Variants in CLN6 observed in about 807,000 individuals in gnomAD.
The protein encoded by CLN6 is ceroid-lipofuscinosis neuronal protein 6.
A neutral mutation model predicts 33.3 loss-of-function variants in CLN6; 22 were observed. That is an observed-to-expected ratio of 0.66 (90% confidence interval 0.47 to 0.94). CLN6 has a LOEUF of 0.94. Among genes scored for constraint, CLN6 ranks in the 40% least tolerant of loss-of-function variants. The pLI is 0.00. For synonymous variants in CLN6, 201 were observed against 174.6 expected (o/e 1.15, Z -1.19); for missense variants, 387 against 417.1 (o/e 0.93, Z 0.63).
chr15:68,238,249 C>T (rs1407238221), intron 1 of CLN6, among the ~76,000 whole-genome samples: 1 of 151,306 alleles, frequency 6.6e-6, no homozygotes, highest in East Asian at 1.9e-4. Context: ...ACTAAAAATA[C>T]AAAAATTAGC....
rs1409554223 is a variant in CLN6, at chr15:68,209,228, C to T, written c.665+409G>A. Among the ~76,000 whole-genome samples the T allele has an allele frequency of 6.6e-6, 1 of 152,208 alleles. No homozygotes were observed. Among genetic ancestry groups the T allele is most frequent in the Non-Finnish European group, 1.5e-5 (1 of 68,046 alleles). On this transcript the variant is annotated intron_variant, in intron 6 of 6. Transcript: ENST00000249806. This position sits in a 1 kb window ranked among gnomAD's most constrained non-coding sequence, Gnocchi z 4.9. ...AAAGCCCCTCTCTGTCCTCAGCATC[C>T]TCATCATCTGAGAGGCAGACAGGCA...
At chr15:68,254,575 G>A (rs1170194057) in intron 1 of CLN6, 2 of 558,398 alleles carry the variant, frequency 3.6e-6, no homozygotes, top group Non-Finnish European at 3.2e-6. Context: ...AACGACCCCA[G>A]GACAGATCAA....
rs1249157996 is a variant in CLN6, at chr15:68,256,886, T to A, written c.-18A>T. On this transcript the variant is annotated 5_prime_UTR_variant, in exon 1 of 7. Transcript: ENST00000538696. The surrounding 1 kb of genome is among the most constrained non-coding windows in gnomAD (Gnocchi z 4.1). ...GCTGCCATTTTCCGCCCAGGCAAGG[T>A]CCTGGGCGCGGCTCTGGGGAGGGTC... 2 of 586,360 alleles carry A rather than the reference T, an allele frequency of 3.4e-6. No homozygotes were observed. Among genetic ancestry groups the A allele is most frequent in the Non-Finnish European group, 6.3e-6 (2 of 319,084 alleles). The allele number at this position is 586,360 out of a possible 1,614,324, so 36.3% of individuals were successfully genotyped here.
At chr15:68,235,588 AT>A (rs1288257216) in intron 1 of CLN6, among the ~76,000 whole-genome samples, 242 of 1,422 alleles carry the variant, frequency 0.17, 3 homozygotes, top group Non-Finnish European at 0.43. Flanking sequence ...ATAAAAATAA[AT>A]ATATATATAT....
rs142453061 is a variant in CLN6, at chr15:68,220,062, T to C, written c.84-1412A>G. Among the ~76,000 whole-genome samples the C allele has an allele frequency of 2.6e-5, 4 of 152,332 alleles. No homozygotes were observed. Among genetic ancestry groups the C allele is most frequent in the African/African-American group, 7.2e-5 (3 of 41,582 alleles). On this transcript the variant is annotated intron_variant, in intron 1 of 6. Coordinates refer to ENST00000249806, the MANE Select transcript of CLN6 (RefSeq NM_017882.3). The surrounding 1 kb of genome is among the most constrained non-coding windows in gnomAD (Gnocchi z 4.2). Reference sequence around the variant, plus strand: ...TGCTTCCCTAATTTTCTGAGATCCCTTCCTGCCAGTTCCAAGGATGATCCA... The same window carrying C: ...TGCTTCCCTAATTTTCTGAGATCCCCTCCTGCCAGTTCCAAGGATGATCCA...
rs1892326849 is a variant in CLN6 at position 68,246,077 on chromosome 15, A to T, written c.179+10613T>A. Among the ~76,000 whole-genome samples, 2 of 152,160 alleles carry T rather than the reference A, an allele frequency of 1.3e-5. No homozygotes were observed. The highest frequency in any genetic ancestry group is 2.4e-5 in the African/African-American group (1 of 41,402). ...CACCCAAGTATATTAAGTAAATATG[A>T]ATCAACCTAAAGGCAGAGATAGACT... On this transcript the variant is annotated intron_variant, in intron 1 of 6. Transcript: ENST00000538696. The surrounding 1 kb of genome is among the most constrained non-coding windows in gnomAD (Gnocchi z 4.5).
chr15:68,208,359 G>A lies in CLN6; in HGVS notation c.717C>T (p.Phe239=), dbSNP rs745850620. 2.1e-5 allele frequency: 34 copies of A among 1,613,784 alleles called. No individual in the cohort carries two copies. Among genetic ancestry groups the A allele is most frequent in the Admixed American group, 5.0e-5 (3 of 60,010 alleles). The change falls in exon 7 of 7, where the codon TTC becomes TTT. Residue 239 remains phenylalanine, a synonymous_variant. Transcript: ENST00000249806. The surrounding 1 kb of genome is among the most constrained non-coding windows in gnomAD (Gnocchi z 5.8). ...QIFILFIFTF[F]AMLALVLHQK... The stretch of plus-strand genomic sequence containing the variant: ...GGTGCAGGACGAGGGCCAGCATGGC[G>A]AAGAAGGTGAAGATGAAGAGGATGA...
intron 1 of CLN6, among the ~76,000 whole-genome samples, chr15:68,240,336 G>A (rs1193257126): frequency 1.3e-5 from 2 of 152,176 alleles, no homozygotes; most frequent in African/African-American, 4.8e-5. Flanking sequence ...AGTGGCTCAC[G>A]CCTGTAATCT....
chr15:68,218,074 C>T (rs2093225433), intron 2 of CLN6: 1 of 172,176 alleles, frequency 5.8e-6, no homozygotes, highest in African/African-American at 2.4e-5. Flanking sequence ...ACCCATGGCT[C>T]ACAGTCATAT....
chr15:68,208,104 C>T lies in CLN6; in HGVS notation c.*36G>A. 2 of 1,558,924 alleles carry T rather than the reference C, an allele frequency of 1.3e-6. No individual in the cohort carries two copies. The highest frequency in any genetic ancestry group is 1.7e-6 in the Non-Finnish European group (2 of 1,144,576). ...CAGATGCCCTCCATGGCCCACCCTCCCACCCAGCAGAGCGCCAGAGCCTGG... is the reference window on the plus strand; with the variant it reads ...CAGATGCCCTCCATGGCCCACCCTCTCACCCAGCAGAGCGCCAGAGCCTGG... On this transcript the variant is annotated 3_prime_UTR_variant, in exon 7 of 7. Transcript: ENST00000249806. This position sits in a 1 kb window ranked among gnomAD's most constrained non-coding sequence, Gnocchi z 5.8.
chr15:68,249,901 T>C (rs1892361129), intron 1 of CLN6, among the ~76,000 whole-genome samples: 1 of 152,072 alleles, frequency 6.6e-6, no homozygotes, highest in African/African-American at 2.4e-5. Flanking sequence ...GCCTCCCGAG[T>C]AGCTGGGATT....
Position 68,208,838 on chromosome 15 carries a change from A to G in CLN6, c.666-428T>C, listed in dbSNP as rs1335110102. Among the ~76,000 whole-genome samples, 4 of 152,154 alleles carry G rather than the reference A, an allele frequency of 2.6e-5. 1 individual carries two copies. The highest frequency in any genetic ancestry group is 4.4e-5 in the Non-Finnish European group (3 of 68,038). ...TTCCCGCTCACTGTAGCTGCCACCC[A>G]TTCTTTTTAATCCCCAGAGAGCATA... On this transcript the variant is annotated intron_variant, in intron 6 of 6. Transcript: ENST00000249806. The surrounding 1 kb of genome is among the most constrained non-coding windows in gnomAD (Gnocchi z 5.8).
chr15:68,218,486 C>G (rs747797745), intron 2 of CLN6, 50 bp downstream of exon 2: 2 of 1,351,670 alleles, frequency 1.5e-6, no homozygotes, highest in African/African-American at 2.9e-5. Context: ...TCAAGCCACA[C>G]TAAGTGTCCT....
intron 2 of CLN6, chr15:68,215,092 GGT>G (rs1319082795): frequency 3.9e-5 from 6 of 152,476 alleles, no homozygotes; most frequent in Non-Finnish European, 7.3e-5. Context: ...CCCTATGCGG[GGT>G]TAAAGCATTT....
intron 1 of CLN6, among the ~76,000 whole-genome samples, chr15:68,229,098 C>G (rs914607247): frequency 1.3e-5 from 2 of 152,134 alleles, no homozygotes; most frequent in African/African-American, 4.8e-5. Flanking sequence ...GCGGAGGTGG[C>G]GCCCGGAACT....
chr15:68,210,150 G>A lies in CLN6; in HGVS notation c.543-391C>T, dbSNP rs570897497. Among the ~76,000 whole-genome samples the A allele has an allele frequency of 9.4e-4, 143 of 152,216 alleles. 1 individual carries two copies. Among genetic ancestry groups the A allele is most frequent in the Middle Eastern group, 3.4e-3 (1 of 294 alleles). On this transcript the variant is annotated intron_variant, in intron 5 of 6. Transcript: ENST00000249806. This position sits in a 1 kb window ranked among gnomAD's most constrained non-coding sequence, Gnocchi z 5.6. ...ATGGAGGTCCACATGTTAAAAAAGAGAACAGCACCTGCAGGGGCCTCTTGG... is the reference window on the plus strand; with the variant it reads ...ATGGAGGTCCACATGTTAAAAAAGAAAACAGCACCTGCAGGGGCCTCTTGG...
chr15:68,218,781 T>G, intron 1 of CLN6, 131 bp from the exon 2 acceptor site: 1 of 687,572 alleles, frequency 1.5e-6, no homozygotes, highest in Non-Finnish European at 2.6e-6. Flanking sequence ...GTTCTATGGA[T>G]AGGGTTTTGC....
chr15:68,242,654 G>T lies in CLN6; in HGVS notation c.179+14036C>A, dbSNP rs1464798167. ...TTCACGTGACTTTAGTAACCTTTTG[G>T]AAATAAAGACAGTTTTAAAGATTAT... On this transcript the variant is annotated intron_variant, in intron 1 of 6. Coordinates refer to the CLN6 transcript ENST00000538696. This position sits in a 1 kb window ranked among gnomAD's most constrained non-coding sequence, Gnocchi z 5.0. Among the ~76,000 whole-genome samples, 1 of 152,142 alleles carries T rather than the reference G, an allele frequency of 6.6e-6. No individual in the cohort carries two copies.
upstream of CLN6, among the ~76,000 whole-genome samples, chr15:68,234,394 C>T (rs1892198036): frequency 1.3e-5 from 2 of 152,168 alleles, no homozygotes; most frequent in South Asian, 2.1e-4. This position sits in a 1 kb window ranked among gnomAD's most constrained non-coding sequence, Gnocchi z 4.1. Context: ...GGCAGTGTAC[C>T]GATATGGCTG....
Sources: allele counts gnomAD v4.1 joint callset (sites outside exome capture counted in the v4.1 genomes callset), GRCh38; gene constraint gnomAD v4.1.1; non-coding constraint Gnocchi (gnomAD v3.1); transcripts MANE v1.5; gene names NCBI Gene and HGNC (gene_info 2026-07-23, HGNC 2026-07-21).